The following GATM variants were observed in gnomAD, a reference collection of about 807,000 sequenced individuals.
GATM encodes glycine amidinotransferase, also known as glycine amidinotransferase, mitochondrial.
Under a neutral mutation model 54.2 loss-of-function variants are expected in GATM, and 23 were observed. That is an observed-to-expected ratio of 0.42 (90% confidence interval 0.31 to 0.60). The LOEUF is 0.60. Among genes scored for constraint, GATM ranks in the 20% least tolerant of loss-of-function variants. The pLI, the probability that GATM is intolerant of heterozygous loss-of-function variation, is 0.14. For missense variants in GATM, 401 were observed against 544.9 expected (o/e 0.74, Z 2.63); for synonymous variants, 168 against 183.1 (o/e 0.92, Z 0.67).
chr15:45,361,849 T>C lies in GATM; in HGVS notation c.*260A>G, dbSNP rs559242202. On this transcript the variant is annotated 3_prime_UTR_variant, in exon 9 of 9. Transcript: ENST00000396659. ...GCCAAGTTACTCAGGTGACTAATTTTTTCTTGGTACACATTCACCAAAATT... is the reference window on the plus strand; with the variant it reads ...GCCAAGTTACTCAGGTGACTAATTTCTTCTTGGTACACATTCACCAAAATT... The C allele has an allele frequency of 8.4e-5, 44 of 521,364 alleles. No homozygotes were observed. The highest frequency in any genetic ancestry group is 7.6e-4 in the African/African-American group (40 of 52,464). The allele number at this position is 521,364 out of a possible 1,614,324, so 32.3% of individuals were successfully genotyped here.
intron 1 of GATM, 135 bp from the exon 2 acceptor site, chr15:45,376,954 G>T: frequency 1.3e-6 from 1 of 784,110 alleles, no homozygotes; most frequent in Non-Finnish European, 2.2e-6. Flanking sequence ...AAACCAAGAC[G>T]TTAACAGTGT....
At position 45,369,326 on chromosome 15, in the gene GATM, C is replaced by A; in HGVS notation, c.484G>T (p.Gly162Cys). Residue 162 changes from glycine (G) to cysteine (C), a missense_variant and splice_region_variant, in exon 3 of 9, where the codon GGT (glycine) becomes TGT (cysteine). Physicochemically the swap from Gly to Cys is radical, Grantham distance 159. Coordinates refer to ENST00000396659, the MANE Select transcript of GATM (RefSeq NM_001482.3). ...AGTTTAGTTATCTGACATCACTTAC[C>A]CGTAGACTCAAAATCAGGAGTTTTA... ...KYKTPDFEST[G>C]LYSAMPRDIL... The A allele has an allele frequency of 6.2e-7, 1 of 1,613,294 alleles. No individual in the cohort carries two copies. The highest frequency in any genetic ancestry group is 8.5e-7 in the Non-Finnish European group (1 of 1,179,258).
chr15:45,368,327 T>C lies in GATM; in HGVS notation c.485-67A>G. 1 of 1,407,176 alleles carries C rather than the reference T, an allele frequency of 7.1e-7. No homozygotes were observed. The highest frequency in any genetic ancestry group is 1.2e-5 in the South Asian group (1 of 83,520). The allele number at this position is 1,407,176 out of a possible 1,614,324, so 87.2% of individuals were successfully genotyped here. A position where few individuals can be genotyped will look rare whatever the true frequency, so the allele number is the denominator to read the frequency against. On this transcript the variant is annotated intron_variant, in intron 3 of 8. Coordinates refer to ENST00000396659, the MANE Select transcript of GATM (RefSeq NM_001482.3). This position sits in a 1 kb window ranked among gnomAD's most constrained non-coding sequence, Gnocchi z 5.1. ...ATTTCCAAGACAAAAAAGGTCTATA[T>C]AGGGCCAGGCACAGTGGCTCATGCC... is the stretch of plus-strand genomic sequence containing the variant.
chr15:45,377,517 CA>C (rs1254225797), intron 1 of GATM: 2 of 329,862 alleles, frequency 6.1e-6, no homozygotes, highest in Non-Finnish European at 1.2e-5. Flanking sequence ...CTAAAAACTT[CA>C]AAAGCCTTTT....
chr15:45,384,890 T>C (rs147700472), intron 3 of GATM, among the ~76,000 whole-genome samples: 1 of 152,274 alleles, frequency 6.6e-6, no homozygotes, highest in East Asian at 1.9e-4. Flanking sequence ...CATTTTTTTG[T>C]AGAGATGAGG....
At chr15:45,377,427 C>T (rs890566598) in intron 1 of GATM, 29 of 376,116 alleles carry the variant, frequency 7.7e-5, no homozygotes, top group Non-Finnish European at 1.3e-4. Context: ...GCCATCTGCT[C>T]CATTTTACAG....
intron 3 of GATM, among the ~76,000 whole-genome samples, chr15:45,392,018 G>A (rs1889879118): frequency 6.6e-6 from 1 of 152,204 alleles, no homozygotes; most frequent in Non-Finnish European, 1.5e-5. Flanking sequence ...AATTTAAGCT[G>A]TATGACCTTG....
At chr15:45,392,634 T>C (rs866079169) in intron 3 of GATM, among the ~76,000 whole-genome samples, 1 of 152,224 alleles carries the variant, frequency 6.6e-6, no homozygotes, top group Non-Finnish European at 1.5e-5. Flanking sequence ...TCACCAGGGA[T>C]GTAATGTGGG....
At chr15:45,370,243 G>T (rs1027815168) in intron 2 of GATM, among the ~76,000 whole-genome samples, 1 of 152,098 alleles carries the variant, frequency 6.6e-6, no homozygotes, top group African/African-American at 2.4e-5. Flanking sequence ...AGGCATGGTG[G>T]CACGTGCCTG....
At chr15:45,378,174 T>C (rs1279212989) in intron 1 of GATM, 15 of 476,610 alleles carry the variant, frequency 3.1e-5, no homozygotes, top group East Asian at 1.8e-4. Flanking sequence ...AAGTTCCCCC[T>C]GACTGGGGGA....
upstream of GATM, among the ~76,000 whole-genome samples, chr15:45,381,782 A>G (rs1242527333): frequency 1.3e-5 from 2 of 152,268 alleles, no homozygotes; most frequent in South Asian, 2.1e-4. Flanking sequence ...AGAAACAATA[A>G]TGTATTACTC....
chr15:45,383,895 A>T (rs1479823703), intron 3 of GATM, among the ~76,000 whole-genome samples: 2 of 152,230 alleles, frequency 1.3e-5, no homozygotes, highest in Non-Finnish European at 2.9e-5. Flanking sequence ...ACTACTATTT[A>T]CTGAGCACTT....
In GATM at chr15:45,361,882, T is replaced by C; in HGVS notation, c.*227A>G. 1 of 553,388 alleles carries C rather than the reference T, an allele frequency of 1.8e-6. No individual in the cohort carries two copies. Among genetic ancestry groups the C allele is most frequent in the Non-Finnish European group, 3.2e-6 (1 of 313,090 alleles). The allele number at this position is 553,388 out of a possible 1,614,324, so 34.3% of individuals were successfully genotyped here. The stretch of plus-strand genomic sequence containing the variant: ...TACACATTCACCAAAATTTTATACT[T>C]GAAGCCAAATAGTAAATAACTTTAG... On this transcript the variant is annotated 3_prime_UTR_variant, in exon 9 of 9. Transcript: ENST00000396659.
At chr15:45,378,065 C>A (rs1404909035) in intron 1 of GATM, 1 of 313,618 alleles carries the variant, frequency 3.2e-6, no homozygotes, top group Non-Finnish European at 5.9e-6. Context: ...TGCAGCGCAC[C>A]AAGGTCCGGT....
In GATM at chr15:45,378,384, C is replaced by T; in HGVS notation, c.69+1G>A. On this transcript the variant is annotated splice_donor_variant, in intron 1 of 8. Coordinates refer to ENST00000396659, the MANE Select transcript of GATM (RefSeq NM_001482.3). LOFTEE classifies it high-confidence loss of function. ...CCAGACGAGGCCGGTGGCGCACGCA[C>T]CCGAGATCCGATGTAGTGCACCGCC... 6.6e-7 allele frequency: 1 copy of T among 1,519,702 alleles called. No homozygotes were observed. Among genetic ancestry groups the T allele is most frequent in the Non-Finnish European group, 8.8e-7 (1 of 1,140,078 alleles). The allele number at this position is 1,519,702 out of a possible 1,614,324, so 94.1% of individuals were successfully genotyped here.
At chr15:45,395,164 G>C (rs148869432) in intron 3 of GATM, among the ~76,000 whole-genome samples, 221 of 152,248 alleles carry the variant, frequency 1.5e-3, no homozygotes, top group South Asian at 2.9e-3. Context: ...ATATGAATAA[G>C]CCATTTGCAG....
intron 2 of GATM, among the ~76,000 whole-genome samples, chr15:45,370,412 A>G (rs1340744915): frequency 6.6e-6 from 1 of 152,044 alleles, no homozygotes; most frequent in Non-Finnish European, 1.5e-5. Context: ...AAAAAGAAAA[A>G]AAAAAACATT....
rs1889500162 is a variant in GATM, at chr15:45,369,328, G to A, written c.482C>T (p.Thr161Met). ...TTTAGTTATCTGACATCACTTACCC[G>A]TAGACTCAAAATCAGGAGTTTTATA... ...LKYKTPDFES[T>M]GLYSAMPRDI... Residue 161 changes from threonine (T) to methionine (M), a missense_variant and splice_region_variant, in exon 3 of 9, where the codon ACG becomes ATG. Physicochemically the swap from Thr to Met is moderately conservative, Grantham distance 81. This residue lies in a region of GATM where 321 missense variants were observed against 457.5 expected (regional missense o/e 0.70). Coordinates refer to ENST00000396659, the MANE Select transcript of GATM (RefSeq NM_001482.3). 7.4e-6 allele frequency: 12 copies of A among 1,612,842 alleles called. No individual in the cohort carries two copies. Among genetic ancestry groups the A allele is most frequent in the South Asian group, 1.1e-5 (1 of 91,066 alleles).
intron 8 of GATM, 58 bp from the exon 9 acceptor site, chr15:45,362,279 G>C: frequency 9.5e-7 from 1 of 1,053,122 alleles, no homozygotes; most frequent in Non-Finnish European, 1.5e-6. Context: ...TTCTCATAGA[G>C]AAAGTAGGCC....
Sources: allele counts gnomAD v4.1 joint callset (sites outside exome capture counted in the v4.1 genomes callset), GRCh38; gene constraint gnomAD v4.1.1; regional missense constraint gnomAD v4.1.1; non-coding constraint Gnocchi (gnomAD v3.1); transcripts MANE v1.5; gene names NCBI Gene and HGNC (gene_info 2026-07-23, HGNC 2026-07-21).